Variants in SHLD1 observed in about 807,000 individuals in gnomAD.
SHLD1 encodes the protein RINN1-REV7-interacting novel NHEJ regulator 3.
In SHLD1, 3 loss-of-function variants were observed where a neutral mutation model predicts 5.5. The observed-to-expected ratio is 0.54, with a 90% confidence interval of 0.25 to 1.40. The LOEUF is 1.40. SHLD1 is among the 40% of genes most tolerant of loss of function. The pLI is 0.15. For synonymous variants in SHLD1, 92 were observed against 94.3 expected (o/e 0.98, Z 0.14); for missense variants, 210 against 244.4 (o/e 0.86, Z 0.94).
intron 2 of SHLD1, among the ~76,000 whole-genome samples, chr20:5,833,627 GAGAC>G (rs2087755482): frequency 6.6e-6 from 1 of 151,958 alleles, no homozygotes; most frequent in African/African-American, 2.4e-5. Context: ...GAGAGAGAGA[GAGAC>G]AGAGACAGGG....
At chr20:5,836,313 A>T (rs1231349967) in intron 2 of SHLD1, among the ~76,000 whole-genome samples, 1 of 152,260 alleles carries the variant, frequency 6.6e-6, no homozygotes, top group African/African-American at 2.4e-5. Context: ...AAGGCAAATC[A>T]GTAGTGATTT....
At chr20:5,800,758 C>T (rs2087281175) in intron 2 of SHLD1, among the ~76,000 whole-genome samples, 1 of 152,102 alleles carries the variant, frequency 6.6e-6, no homozygotes, top group Admixed American at 6.5e-5. Context: ...CAGTTCCATC[C>T]CTTTTCTTCT....
chr20:5,753,225 T>G (rs376056559), intron 1 of SHLD1, among the ~76,000 whole-genome samples: 23 of 152,188 alleles, frequency 1.5e-4, no homozygotes, highest in African/African-American at 5.5e-4. Context: ...TTAACAAGAT[T>G]TTATGGTCTG....
rs556733543 is a variant in SHLD1 at position 5,843,036 on chromosome 20, C to T, written c.179-19988C>T. ...CTGGCTCACTTTGCTTACTCCCACT[C>T]GGTAAAGGTAGATTTGTTTTTTCCC... is the stretch of plus-strand genomic sequence containing the variant. On this transcript the variant is annotated intron_variant, in intron 2 of 2. Transcript: ENST00000303142. Among the ~76,000 whole-genome samples the T allele has an allele frequency of 7.9e-4, 121 of 152,246 alleles. 1 individual carries two copies. In the South Asian group the frequency reaches 0.019, roughly 24 times the overall value.
chr20:5,836,007 G>A (rs182090030), intron 2 of SHLD1, among the ~76,000 whole-genome samples: 39 of 152,208 alleles, frequency 2.6e-4, no homozygotes, highest in African/African-American at 9.4e-4. Context: ...AGCAGGACCA[G>A]GAGTTATTCA....
chr20:5,769,709 G>A (rs1442771648), intron 1 of SHLD1, among the ~76,000 whole-genome samples: 2 of 151,808 alleles, frequency 1.3e-5, no homozygotes, highest in Admixed American at 1.3e-4. Flanking sequence ...GTGAGATGAT[G>A]AAATGCCTAC....
intron 2 of SHLD1, among the ~76,000 whole-genome samples, chr20:5,794,527 T>A (rs2087184843): frequency 6.6e-6 from 1 of 152,224 alleles, no homozygotes; most frequent in African/African-American, 2.4e-5. Flanking sequence ...AAAATATATA[T>A]TTTCTGCTAA....
chr20:5,757,469 A>G (rs1018684968), intron 1 of SHLD1, among the ~76,000 whole-genome samples: 8 of 152,052 alleles, frequency 5.3e-5, no homozygotes, highest in African/African-American at 9.7e-5. Flanking sequence ...GTTTATTTCT[A>G]TTCTAACTTT....
chr20:5,856,442 G>A (rs2088085796), intron 2 of SHLD1, among the ~76,000 whole-genome samples: 1 of 152,182 alleles, frequency 6.6e-6, no homozygotes, highest in Admixed American at 6.5e-5. Flanking sequence ...TTCCTCCATG[G>A]AGCATGGAAT....
intron 2 of SHLD1, among the ~76,000 whole-genome samples, chr20:5,837,455 C>A (rs1324077893): frequency 1.3e-5 from 2 of 152,110 alleles, no homozygotes; most frequent in Non-Finnish European, 2.9e-5. Flanking sequence ...GATGCTCTCC[C>A]TCCCCCCACA....
chr20:5,809,615 C>T (rs1345528560), intron 2 of SHLD1, among the ~76,000 whole-genome samples: 1 of 152,090 alleles, frequency 6.6e-6, no homozygotes, highest in Non-Finnish European at 1.5e-5. Flanking sequence ...CTGCATCCAT[C>T]CTTCCTCAGT....
At chr20:5,807,165 T>G (rs2087389805) in intron 2 of SHLD1, among the ~76,000 whole-genome samples, 1 of 152,118 alleles carries the variant, frequency 6.6e-6, no homozygotes. Flanking sequence ...TGATTCAAAA[T>G]TGGCACAATT....
chr20:5,797,429 A>G (rs1354389456), intron 2 of SHLD1, among the ~76,000 whole-genome samples: 2 of 152,000 alleles, frequency 1.3e-5, no homozygotes, highest in Non-Finnish European at 2.9e-5. Flanking sequence ...GGGCATGGTG[A>G]CGAGTGCCTG....
chr20:5,827,170 G>A lies in SHLD1; in HGVS notation c.179-35854G>A, dbSNP rs75150729. On this transcript the variant is annotated intron_variant, in intron 2 of 2. Transcript: ENST00000303142. The stretch of plus-strand genomic sequence containing the variant: ...AGGGAAAGCACAGAGCCTGGGGCCC[G>A]CCACCATGAGAGCGTGTGCTCGCAG... Among the ~76,000 whole-genome samples, 536 of 152,320 alleles carry A rather than the reference G, an allele frequency of 3.5e-3. 4 individuals are homozygous for A. The highest frequency in any genetic ancestry group is 0.012 in the African/African-American group (497 of 41,574).
At chr20:5,759,990 A>C (rs980232309) in intron 1 of SHLD1, among the ~76,000 whole-genome samples, 9 of 12,384 alleles carry the variant, frequency 7.3e-4, no homozygotes, top group Non-Finnish European at 1.3e-3. Flanking sequence ...GTATTTTTAT[A>C]CACACACACA....
intron 2 of SHLD1, among the ~76,000 whole-genome samples, chr20:5,857,978 A>C (rs1169637282): frequency 6.6e-6 from 1 of 151,976 alleles, no homozygotes; most frequent in Admixed American, 6.6e-5. Context: ...GGGTGCCTGT[A>C]GTGCCAGCTA....
intron 1 of SHLD1, among the ~76,000 whole-genome samples, chr20:5,760,777 AG>A (rs1984416608): frequency 6.6e-6 from 1 of 152,070 alleles, no homozygotes; most frequent in Non-Finnish European, 1.5e-5. Flanking sequence ...ATTGAAGAAG[AG>A]TGGAGAAAAC....
At chr20:5,752,515 A>G (rs1181248313) in intron 1 of SHLD1, among the ~76,000 whole-genome samples, 1 of 152,138 alleles carries the variant, frequency 6.6e-6, no homozygotes, top group Non-Finnish European at 1.5e-5. Flanking sequence ...TCCTGGCTGC[A>G]TTAATGGAGA....
intron 1 of SHLD1, among the ~76,000 whole-genome samples, chr20:5,761,693 C>T (rs148994855): frequency 4.6e-5 from 7 of 151,054 alleles, no homozygotes; most frequent in South Asian, 2.1e-4. Context: ...CTGCAACCTC[C>T]GCTTCCCAGG....
Sources: gnomAD v4.1 joint callset for allele counts (sites outside exome capture counted in the v4.1 genomes callset) on GRCh38, gnomAD v4.1.1 for gene constraint, MANE v1.5 for transcripts, NCBI Gene and HGNC (gene_info 2026-07-23, HGNC 2026-07-21) for gene names.